Variants in CALD1 observed in about 807,000 individuals in gnomAD.
CALD1 encodes caldesmon.
A neutral mutation model predicts 99.9 loss-of-function variants in CALD1; 33 were observed. The observed-to-expected ratio is 0.33, with a 90% CI of 0.25 to 0.44. The LOEUF is 0.44. Among genes scored for constraint, CALD1 ranks in the 20% least tolerant of loss-of-function variants. The pLI, the probability that CALD1 is intolerant of heterozygous loss-of-function variation, is 1.00. For missense variants in CALD1, 861 were observed against 962.1 expected, an observed-to-expected ratio of 0.89 and a Z score of 1.39; for synonymous variants, 310 against 325.0, an observed-to-expected ratio of 0.95 and a Z score of 0.50.
At chr7:134,781,956 C>T (rs1170300304) in intron 1 of CALD1, among the ~76,000 whole-genome samples, 1 of 152,244 alleles carries the variant, frequency 6.6e-6, no homozygotes, top group African/African-American at 2.4e-5. Flanking sequence ...GCTCCTGTGA[C>T]TGGCCTGAGA....
chr7:134,841,645 C>T (rs954942827), intron 1 of CALD1, among the ~76,000 whole-genome samples: 2 of 152,204 alleles, frequency 1.3e-5, no homozygotes, highest in Non-Finnish European at 2.9e-5. Flanking sequence ...GCACTGGATA[C>T]AAAGGTGATC....
At chr7:134,811,484 C>T (rs1241716764) in intron 1 of CALD1, among the ~76,000 whole-genome samples, 2 of 152,210 alleles carry the variant, frequency 1.3e-5, no homozygotes, top group African/African-American at 2.4e-5. Context: ...AAAGAACCCT[C>T]CCTGTCCAAA....
rs1245395733 is a variant in CALD1 at position 134,783,602 on chromosome 7, A to G, written c.-130+3853A>G. On this transcript the variant is annotated intron_variant, in intron 1 of 14. Transcript: ENST00000361675. The surrounding 1 kb of genome is among the most constrained non-coding windows in gnomAD (Gnocchi z 4.3). ...CCTGGGCTGTGAGGGAGGGGTGATGAGGTTGTTCCCTGTGTTGTTCTTCCC... is the reference window on the plus strand; with the variant it reads ...CCTGGGCTGTGAGGGAGGGGTGATGGGGTTGTTCCCTGTGTTGTTCTTCCC... Among the ~76,000 whole-genome samples, 2 of 152,054 alleles carry G rather than the reference A, an allele frequency of 1.3e-5. No homozygotes were observed. Among genetic ancestry groups the G allele is most frequent in the African/African-American group, 2.4e-5 (1 of 41,392 alleles).
intron 7 of CALD1, among the ~76,000 whole-genome samples, chr7:134,942,282 C>T (rs1047449004): frequency 6.6e-6 from 1 of 152,198 alleles, no homozygotes; most frequent in Non-Finnish European, 1.5e-5. Context: ...GCTCCTCACA[C>T]CAAAGCCTTT....
At chr7:134,895,676 G>A (rs192096040) in intron 3 of CALD1, among the ~76,000 whole-genome samples, 25 of 152,280 alleles carry the variant, frequency 1.6e-4, no homozygotes, top group Non-Finnish European at 3.4e-4. Context: ...AATCTGGTGA[G>A]AGAGGCCTTC....
chr7:134,767,104 C>T (rs1796832893), intron 1 of CALD1, among the ~76,000 whole-genome samples: 1 of 152,048 alleles, frequency 6.6e-6, no homozygotes, highest in Non-Finnish European at 1.5e-5. Context: ...AGCTGAAAGG[C>T]CCAGTGAGGG....
At chr7:134,747,988 C>T (rs1037099575) in intron 1 of CALD1, among the ~76,000 whole-genome samples, 1 of 152,230 alleles carries the variant, frequency 6.6e-6, no homozygotes, top group Non-Finnish European at 1.5e-5. Context: ...CCTGGAAAAT[C>T]TATGGTGGCA....
chr7:134,714,612 G>T, the CALD1 span, among the ~76,000 whole-genome samples: 1 of 152,248 alleles, frequency 6.6e-6, no homozygotes, highest in African/African-American at 2.4e-5. Context: ...CAGTGTCACT[G>T]CTCAGTGACT....
At chr7:134,750,337 C>T (rs1477965893) in intron 1 of CALD1, among the ~76,000 whole-genome samples, 1 of 152,088 alleles carries the variant, frequency 6.6e-6, no homozygotes, top group Non-Finnish European at 1.5e-5. Flanking sequence ...GTGCAGAGTC[C>T]TAGCCTCAGT....
intron 1 of CALD1, among the ~76,000 whole-genome samples, chr7:134,817,706 G>A (rs931148562): frequency 2.0e-5 from 3 of 152,096 alleles, no homozygotes; most frequent in Non-Finnish European, 2.9e-5. Flanking sequence ...AAAGCTAAAC[G>A]AGAAAAAAAT....
rs1801314789 is a variant in CALD1 at position 134,875,669 on chromosome 7, C to T, written c.71+7865C>T. On this transcript the variant is annotated intron_variant, in intron 3 of 14. Coordinates refer to ENST00000361675, the MANE Select transcript of CALD1 (RefSeq NM_033138.4). ...TAAACCATCTGTGAGCCCAGATTTT[C>T]GTCACCGTGGGACAGACAAGAACCC... Among the ~76,000 whole-genome samples the T allele has an allele frequency of 2.6e-5, 4 of 152,318 alleles. No individual in the cohort carries two copies. In the South Asian group the frequency reaches 6.2e-4, roughly 24 times the overall value.
At chr7:134,802,884 C>T (rs928906963) in intron 1 of CALD1, among the ~76,000 whole-genome samples, 1 of 152,214 alleles carries the variant, frequency 6.6e-6, no homozygotes, top group Non-Finnish European at 1.5e-5. Flanking sequence ...TGTGTAAACA[C>T]AAGTTTTTAT....
At chr7:134,934,273 T>C (rs1384747459) in intron 5 of CALD1, among the ~76,000 whole-genome samples, 196 bp downstream of exon 5, 2 of 152,110 alleles carry the variant, frequency 1.3e-5, no homozygotes, top group Non-Finnish European at 2.9e-5. Context: ...ATCAACCAAA[T>C]TTACTGGGAC....
chr7:134,776,138 G>A (rs201181168), upstream of CALD1, among the ~76,000 whole-genome samples: 1 of 151,848 alleles, frequency 6.6e-6, no homozygotes, highest in Non-Finnish European at 1.5e-5. Context: ...CTATTTATTT[G>A]TCTTGGTTAG....
Position 134,956,864 on chromosome 7 carries a change from G to A in CALD1, c.1936-1205G>A, listed in dbSNP as rs376027573. Among the ~76,000 whole-genome samples, 7 of 152,306 alleles carry A rather than the reference G, an allele frequency of 4.6e-5. No individual in the cohort carries two copies. In the East Asian group the frequency reaches 1.2e-3, roughly 25 times the overall value. ...TGATGGGTGGTAGAGGATATTTCTA[G>A]CCTGGAGTTGGGTGTGGCATGGATT... On this transcript the variant is annotated intron_variant, in intron 9 of 14. Transcript: ENST00000361675.
At chr7:134,788,238 G>A (rs1033064103) in intron 1 of CALD1, among the ~76,000 whole-genome samples, 1 of 152,136 alleles carries the variant, frequency 6.6e-6, no homozygotes, top group East Asian at 1.9e-4. Flanking sequence ...TTCTCTTGAG[G>A]TTAGTTACAT....
chr7:134,714,738 C>T, the CALD1 span, among the ~76,000 whole-genome samples: 1 of 152,190 alleles, frequency 6.6e-6, no homozygotes. Flanking sequence ...AGGGATAGGT[C>T]ATTCAGAAAT....
chr7:134,939,387 C>T (rs928552467), intron 6 of CALD1, among the ~76,000 whole-genome samples: 1 of 152,158 alleles, frequency 6.6e-6, no homozygotes, highest in African/African-American at 2.4e-5. Context: ...AGTGATTTGT[C>T]CAAGTAACAC....
At chr7:134,752,827 A>G (rs1585897904) in intron 1 of CALD1, among the ~76,000 whole-genome samples, 1 of 151,768 alleles carries the variant, frequency 6.6e-6, no homozygotes, top group South Asian at 2.1e-4. Flanking sequence ...ATGGTGAAAC[A>G]CCATCTCTAC....
Sources: allele counts gnomAD v4.1 joint callset (sites outside exome capture counted in the v4.1 genomes callset), GRCh38; gene constraint gnomAD v4.1.1; non-coding constraint Gnocchi (gnomAD v3.1); transcripts MANE v1.5; gene names NCBI Gene and HGNC (gene_info 2026-07-23, HGNC 2026-07-21).